The following PPM1E variants were observed in gnomAD, a reference collection of about 807,000 sequenced individuals.
PPM1E encodes the protein protein phosphatase, Mg2+/Mn2+ dependent 1E, also known as protein phosphatase 1E.
In PPM1E, 20 loss-of-function variants were observed where a neutral mutation model predicts 65.9. That is an observed-to-expected ratio of 0.30 (90% CI 0.21 to 0.44). The LOEUF (loss-of-function observed/expected upper bound fraction) is 0.44, where lower values mean the gene tolerates loss of function less well. PPM1E is among the 20% of genes least tolerant of loss of function. The pLI is 1.00. For synonymous variants in PPM1E, 352 were observed against 374.9 expected (o/e 0.94, Z 0.70); for missense variants, 713 against 953.1 (o/e 0.75, Z 3.32).
At chr17:58,855,219 G>C (rs207476516) in intron 1 of PPM1E, among the ~76,000 whole-genome samples, 2 of 152,138 alleles carry the variant, frequency 1.3e-5, no homozygotes, top group Non-Finnish European at 2.9e-5. Context: ...TCTTAACAAG[G>C]TCTCCCCTAA....
At chr17:58,926,296 C>T (rs1219895982) in intron 1 of PPM1E, among the ~76,000 whole-genome samples, 1 of 150,600 alleles carries the variant, frequency 6.6e-6, no homozygotes, top group Non-Finnish European at 1.5e-5. Context: ...TGCACCATTG[C>T]ACTCTAGCCT....
chr17:58,786,901 C>A (rs2050106157), intron 1 of PPM1E, among the ~76,000 whole-genome samples: 1 of 152,000 alleles, frequency 6.6e-6, no homozygotes, highest in Non-Finnish European at 1.5e-5. Flanking sequence ...AAGCTATTAG[C>A]TTTCTATTGC....
chr17:58,805,974 C>CAAAAA (rs1341289870), intron 1 of PPM1E, among the ~76,000 whole-genome samples: 1 of 74,018 alleles, frequency 1.4e-5, no homozygotes, highest in Non-Finnish European at 2.5e-5. Context: ...AAAAAAAAAA[C>CAAAAA]AAAAAAAAAA....
intron 1 of PPM1E, among the ~76,000 whole-genome samples, chr17:58,930,709 A>G (rs1001629362): frequency 6.6e-6 from 1 of 152,116 alleles, no homozygotes; most frequent in Non-Finnish European, 1.5e-5. Flanking sequence ...GCAAAAGGAG[A>G]ATACACACTT....
At chr17:58,773,825 A>G (rs921055331) in intron 1 of PPM1E, among the ~76,000 whole-genome samples, 5 of 152,228 alleles carry the variant, frequency 3.3e-5, no homozygotes, top group African/African-American at 1.2e-4. Context: ...CGCCTACTGA[A>G]TGAGAATTTC....
intron 1 of PPM1E, among the ~76,000 whole-genome samples, chr17:58,821,352 C>T (rs375410543): frequency 8.5e-5 from 13 of 152,254 alleles, no homozygotes; most frequent in African/African-American, 2.2e-4. Context: ...CCTTCTGATC[C>T]GCCCGTCTCG....
intron 1 of PPM1E, among the ~76,000 whole-genome samples, chr17:58,901,028 C>T (rs73993816): frequency 3.7e-4 from 57 of 152,274 alleles, no homozygotes; most frequent in African/African-American, 1.4e-3. Flanking sequence ...ACCCAAATCA[C>T]ATAGCTAGTA....
chr17:58,832,810 T>TTTTGTTTG (rs3059831), intron 1 of PPM1E, among the ~76,000 whole-genome samples: 93,102 of 150,668 alleles, frequency 0.62, 29,003 homozygotes, highest in Middle Eastern at 0.66. Context: ...TTCACCAGGT[T>TTTTGTTTG]TTTGTTTGTT....
intron 1 of PPM1E, among the ~76,000 whole-genome samples, chr17:58,769,477 G>T (rs1405203421): frequency 6.6e-6 from 1 of 152,046 alleles, no homozygotes; most frequent in Non-Finnish European, 1.5e-5. Context: ...TGTACCTGTA[G>T]TCCCAGCTAC....
chr17:58,760,539 C>T (rs1386364678), intron 1 of PPM1E, among the ~76,000 whole-genome samples: 1 of 152,152 alleles, frequency 6.6e-6, no homozygotes, highest in Non-Finnish European at 1.5e-5. Flanking sequence ...CATCTCTTGC[C>T]AGTCTTACCC....
intron 1 of PPM1E, among the ~76,000 whole-genome samples, chr17:58,846,481 T>G (rs1450824666): frequency 6.6e-6 from 1 of 152,172 alleles, no homozygotes; most frequent in East Asian, 1.9e-4. Flanking sequence ...TCAAGTATTC[T>G]CATTGTTCAA....
At chr17:58,799,042 A>G (rs1225074759) in intron 1 of PPM1E, among the ~76,000 whole-genome samples, 1 of 152,106 alleles carries the variant, frequency 6.6e-6, no homozygotes, top group African/African-American at 2.4e-5. Flanking sequence ...GATCCATTGC[A>G]AATTAATTTT....
At chr17:58,936,154 A>T (rs1268025159) in intron 1 of PPM1E, among the ~76,000 whole-genome samples, 3 of 152,116 alleles carry the variant, frequency 2.0e-5, no homozygotes, top group African/African-American at 7.2e-5. Flanking sequence ...TCCACGTGGC[A>T]TTCCTAGAGG....
intron 1 of PPM1E, among the ~76,000 whole-genome samples, chr17:58,848,916 G>A (rs1210078137): frequency 1.3e-5 from 2 of 152,144 alleles, no homozygotes; most frequent in South Asian, 2.1e-4. Flanking sequence ...ACTTTTTTTG[G>A]TTGGTAGGCT....
chr17:58,959,319 A>AC (rs1373232864), intron 2 of PPM1E, among the ~76,000 whole-genome samples: 1 of 150,306 alleles, frequency 6.7e-6, no homozygotes, highest in Non-Finnish European at 1.5e-5. Context: ...CAAAAAAAAA[A>AC]AAAAAAAAAA....
intron 1 of PPM1E, among the ~76,000 whole-genome samples, chr17:58,821,598 G>A (rs1254956044): frequency 6.6e-6 from 1 of 152,110 alleles, no homozygotes; most frequent in East Asian, 1.9e-4. Flanking sequence ...GTTAGCTTAC[G>A]GCAGGGCAGG....
intron 1 of PPM1E, among the ~76,000 whole-genome samples, chr17:58,851,949 CTTTG>C (rs1008737387): frequency 1.6e-4 from 25 of 152,324 alleles, no homozygotes; most frequent in African/African-American, 6.0e-4. Flanking sequence ...TTCCCAGCCA[CTTTG>C]TTTACCTACT....
intron 1 of PPM1E, among the ~76,000 whole-genome samples, chr17:58,857,797 A>G (rs1256153997): frequency 2.0e-5 from 3 of 152,198 alleles, no homozygotes; most frequent in African/African-American, 2.4e-5. Context: ...TTCTCTAGCC[A>G]CCTATGGTTT....
At chr17:58,839,880 A>C (rs1249479569) in intron 1 of PPM1E, among the ~76,000 whole-genome samples, 1 of 152,170 alleles carries the variant, frequency 6.6e-6, no homozygotes, top group Non-Finnish European at 1.5e-5. Flanking sequence ...GTATGTGCAC[A>C]AGTTAGTATA....
Sources: gnomAD v4.1 joint callset for allele counts (sites outside exome capture counted in the v4.1 genomes callset) on GRCh38, gnomAD v4.1.1 for gene constraint, MANE v1.5 for transcripts, NCBI Gene and HGNC (gene_info 2026-07-23, HGNC 2026-07-21) for gene names.